SUGCT: variants seen among roughly 807,000 people sequenced by gnomAD.
SUGCT encodes the protein succinyl-CoA:glutarate-CoA transferase, also known as succinyl-CoA:glutarate CoA-transferase.
SUGCT carries 41 observed loss-of-function variants against 55.0 expected under a neutral mutation model. The observed-to-expected ratio is 0.74, with a 90% CI of 0.58 to 0.97. The LOEUF (loss-of-function observed/expected upper bound fraction) is 0.97. SUGCT is among the 50% of genes least tolerant of loss of function. SUGCT has a pLI of 0.00. For synonymous variants in SUGCT, 187 were observed against 200.4 expected (o/e 0.93, Z 0.56); for missense variants, 568 against 547.8 (o/e 1.04, Z -0.37).
intron 12 of SUGCT, among the ~76,000 whole-genome samples, chr7:40,507,451 G>A (rs1470669391): frequency 6.6e-6 from 1 of 152,150 alleles, no homozygotes; most frequent in Admixed American, 6.5e-5. Context: ...GGATGTGTGT[G>A]CTTGACTTAG....
chr7:41,019,008 C>T, the SUGCT span, among the ~76,000 whole-genome samples: 3 of 151,574 alleles, frequency 2.0e-5, no homozygotes, highest in South Asian at 2.1e-4. Context: ...CGGGTTCAAG[C>T]GATTCTCCTG....
chr7:40,390,924 A>G (rs1193614947), intron 9 of SUGCT, among the ~76,000 whole-genome samples: 1 of 152,226 alleles, frequency 6.6e-6, no homozygotes, highest in African/African-American at 2.4e-5. Context: ...TGGTACTGGT[A>G]CCAAGACAGA....
At chr7:40,724,922 G>A (rs1178102358) in intron 12 of SUGCT, among the ~76,000 whole-genome samples, 1 of 152,196 alleles carries the variant, frequency 6.6e-6, no homozygotes, top group African/African-American at 2.4e-5. Flanking sequence ...TTCTGCTGCT[G>A]TAGAAGGGGA....
At chr7:40,854,416 T>TC (rs1360424274) in intron 13 of SUGCT, among the ~76,000 whole-genome samples, 85 of 59,444 alleles carry the variant, frequency 1.4e-3, no homozygotes, top group African/African-American at 4.7e-3. Context: ...TCTTTCTTTC[T>TC]TTCCTTTCTT....
rs146063592 is a variant in SUGCT at position 40,495,369 on chromosome 7, T to A, written c.987-915T>A. ...CTCTACTATTGTTTCACTAGCCCTT[T>A]CATATTAGTAAAACATTTTAGTCTA... On this transcript the variant is annotated intron_variant, in intron 11 of 13. Coordinates refer to ENST00000335693, the MANE Select transcript of SUGCT (RefSeq NM_001193313.2). 3.9e-5 allele frequency among the ~76,000 whole-genome samples: 6 copies of A among 152,240 alleles called. No individual in the cohort carries two copies. The East Asian group carries it at 1.2e-3, about 29-fold the overall frequency.
the SUGCT span, among the ~76,000 whole-genome samples, chr7:40,984,904 CT>C: frequency 2.0e-5 from 3 of 152,196 alleles, no homozygotes; most frequent in South Asian, 2.1e-4. Context: ...CCAGAAGTGG[CT>C]GCCAAACATA....
In SUGCT at chr7:40,638,324, T is replaced by G. The variant is rs535889532; in HGVS notation, c.1090-111110T>G. Among the ~76,000 whole-genome samples, 168 of 152,330 alleles carry G rather than the reference T, an allele frequency of 1.1e-3. 1 individual carries two copies. Among genetic ancestry groups the G allele is most frequent in the African/African-American group, 3.9e-3 (161 of 41,572 alleles). On this transcript the variant is annotated intron_variant, in intron 12 of 13. Transcript: ENST00000335693. Reference sequence around the variant, plus strand: ...ATTCAAGCTTTTTGCTTTAATAATATTACTCTTATTTGCATTCTGAAATGC... The same window carrying G: ...ATTCAAGCTTTTTGCTTTAATAATAGTACTCTTATTTGCATTCTGAAATGC...
At chr7:40,510,922 CTT>C (rs1397726085) in intron 12 of SUGCT, among the ~76,000 whole-genome samples, 1 of 152,044 alleles carries the variant, frequency 6.6e-6, no homozygotes, top group Non-Finnish European at 1.5e-5. Flanking sequence ...ACCTGGGAAA[CTT>C]TTCCAATATA....
chr7:40,400,444 C>A (rs1369418791), intron 9 of SUGCT, among the ~76,000 whole-genome samples: 2 of 152,100 alleles, frequency 1.3e-5, no homozygotes, highest in Non-Finnish European at 2.9e-5. Context: ...TGCATGTATC[C>A]TTTTAATATA....
chr7:41,021,501 C>A, the SUGCT span, among the ~76,000 whole-genome samples: 3 of 152,050 alleles, frequency 2.0e-5, no homozygotes, highest in African/African-American at 4.8e-5. Context: ...AAGAAATCAT[C>A]ATTCAGAAAA....
At chr7:40,827,698 A>T (rs1170844268) in intron 13 of SUGCT, among the ~76,000 whole-genome samples, 2 of 152,024 alleles carry the variant, frequency 1.3e-5, no homozygotes, top group Non-Finnish European at 2.9e-5. Flanking sequence ...AGGATACTTG[A>T]TCTGCAACTC....
the SUGCT span, among the ~76,000 whole-genome samples, chr7:40,890,111 C>T: frequency 1.3e-5 from 2 of 150,658 alleles, no homozygotes; most frequent in Non-Finnish European, 2.9e-5. Flanking sequence ...CCATATGGGG[C>T]ATAATGAGGA....
intron 13 of SUGCT, among the ~76,000 whole-genome samples, chr7:40,807,405 G>C (rs1791160873): frequency 6.6e-6 from 1 of 152,080 alleles, no homozygotes; most frequent in Non-Finnish European, 1.5e-5. Flanking sequence ...AGTGAGAAGG[G>C]GGATGGGTAG....
intron 12 of SUGCT, among the ~76,000 whole-genome samples, chr7:40,542,060 G>A (rs748638322): frequency 2.6e-5 from 4 of 152,184 alleles, no homozygotes; most frequent in South Asian, 4.1e-4. Context: ...GTGGCAAGGG[G>A]CAAGGATCAT....
chr7:40,727,579 A>G (rs1431809207), intron 12 of SUGCT, among the ~76,000 whole-genome samples: 3 of 152,228 alleles, frequency 2.0e-5, no homozygotes, highest in African/African-American at 4.8e-5. Flanking sequence ...AGAAATAACT[A>G]TATCTCACTA....
the SUGCT span, among the ~76,000 whole-genome samples, chr7:40,933,338 C>G: frequency 1.3e-5 from 2 of 152,116 alleles, no homozygotes; most frequent in African/African-American, 4.8e-5. Flanking sequence ...GTGGGTAACT[C>G]GACCTTTCTC....
chr7:40,519,821 T>G (rs545552092), intron 12 of SUGCT, among the ~76,000 whole-genome samples: 7 of 152,210 alleles, frequency 4.6e-5, no homozygotes, highest in African/African-American at 1.7e-4. Context: ...AAAGACAGAT[T>G]CAGTGTGAAA....
intron 7 of SUGCT, among the ~76,000 whole-genome samples, chr7:40,270,316 T>A (rs887288401): frequency 6.6e-6 from 1 of 152,142 alleles, no homozygotes; most frequent in African/African-American, 2.4e-5. Context: ...GCTTTTGATG[T>A]CATATCAAAG....
chr7:40,783,031 G>A (rs2128739292), intron 13 of SUGCT, among the ~76,000 whole-genome samples: 1 of 152,238 alleles, frequency 6.6e-6, no homozygotes. Context: ...TGATCTGGTG[G>A]GAAGATATTG....
Sources: allele counts gnomAD v4.1 joint callset (sites outside exome capture counted in the v4.1 genomes callset), GRCh38; gene constraint gnomAD v4.1.1; transcripts MANE v1.5; gene names NCBI Gene and HGNC (gene_info 2026-07-23, HGNC 2026-07-21).